ASTN1: variants seen among roughly 807,000 people sequenced by gnomAD.
The protein encoded by ASTN1 is astrotactin-1.
Under a neutral mutation model 140.7 loss-of-function variants are expected in ASTN1, and 41 were observed. The observed-to-expected ratio is 0.29, with a 90% CI of 0.23 to 0.38. The LOEUF is 0.38. Ranked by LOEUF, ASTN1 falls within the 10% of genes least tolerant of loss-of-function variation. The pLI is 1.00. For missense variants in ASTN1, 1,479 were observed against 1,678.8 expected (o/e 0.88, Z 2.08); for synonymous variants, 640 against 652.2 (o/e 0.98, Z 0.29).
rs752299973 is a variant in ASTN1 at position 176,868,922 on chromosome 1, C to A, written c.3569G>T (p.Arg1190Leu). The change falls in exon 22 of 23, where the codon CGG (arginine) becomes CTG (leucine). Residue 1190 changes from arginine to leucine, a missense_variant. Coordinates refer to ENST00000361833, the MANE Select transcript of ASTN1 (RefSeq NM_004319.3). ...LLDLGSPTLH[R>L]VLYHYNQHYE... Reference sequence around the variant, plus strand: ...GTGCTGGTTATAGTGGTAGAGGACCCGGTGTAAGGTGGGGGAACCCAGATC... The same window carrying A: ...GTGCTGGTTATAGTGGTAGAGGACCAGGTGTAAGGTGGGGGAACCCAGATC... 6.2e-7 allele frequency: 1 copy of A among 1,612,116 alleles called. No individual in the cohort carries two copies. Among genetic ancestry groups the A allele is most frequent in the Non-Finnish European group, 8.5e-7 (1 of 1,178,746 alleles).
At chr1:177,025,855 T>C (rs989748234) in intron 5 of ASTN1, among the ~76,000 whole-genome samples, 8 of 152,198 alleles carry the variant, frequency 5.3e-5, no homozygotes, top group African/African-American at 1.9e-4. Context: ...CAGGGTTTGA[T>C]GTGGCTCGCA....
intron 16 of ASTN1, among the ~76,000 whole-genome samples, chr1:176,901,524 G>T (rs1269987806): frequency 6.6e-6 from 1 of 152,196 alleles, no homozygotes; most frequent in East Asian, 1.9e-4. Flanking sequence ...ATGTAGCTCC[G>T]GGAGGAAAAG....
rs556023839 is a variant in ASTN1, at chr1:176,978,083, A to C, written c.1524-12846T>G. ...TTCGAAGGATGCACTGAGTCTAGGC[A>C]TTGAAGGTGCAGAAGGAAGGGAGGT... On this transcript the variant is annotated intron_variant, in intron 8 of 22. Coordinates refer to ENST00000361833, the MANE Select transcript of ASTN1 (RefSeq NM_004319.3). Among the ~76,000 whole-genome samples the C allele has an allele frequency of 7.9e-5, 12 of 152,334 alleles. No individual in the cohort carries two copies. In the East Asian group the frequency reaches 2.3e-3, roughly 29 times the overall value.
chr1:177,137,727 T>C (rs1461921337), intron 1 of ASTN1, among the ~76,000 whole-genome samples: 1 of 152,188 alleles, frequency 6.6e-6, no homozygotes, highest in Non-Finnish European at 1.5e-5. Flanking sequence ...GGGCCAATGA[T>C]AGCTGTCCAG....
intron 21 of ASTN1, among the ~76,000 whole-genome samples, chr1:176,870,264 A>G (rs1668284122): frequency 6.6e-6 from 1 of 152,222 alleles, no homozygotes; most frequent in Non-Finnish European, 1.5e-5. Flanking sequence ...GAAGAAATGA[A>G]GTCCACAGGT....
Position 176,864,249 on chromosome 1 carries a change from C to A in ASTN1, c.*35G>T. ...CCAGATGGATCCCTCCTCTTTCCTA[C>A]TTCATTCTGGCAGCAGCTCCCTGGC... On this transcript the variant is annotated 3_prime_UTR_variant, in exon 23 of 23. Coordinates refer to ENST00000361833, the MANE Select transcript of ASTN1 (RefSeq NM_004319.3). The A allele has an allele frequency of 6.2e-7, 1 of 1,605,190 alleles. No individual in the cohort carries two copies.
intron 5 of ASTN1, among the ~76,000 whole-genome samples, chr1:177,025,774 C>T (rs1187435736): frequency 6.6e-6 from 1 of 152,166 alleles, no homozygotes; most frequent in Non-Finnish European, 1.5e-5. Flanking sequence ...GAAAATAGAT[C>T]TGTAAGAGTT....
intron 8 of ASTN1, among the ~76,000 whole-genome samples, chr1:176,974,627 C>T (rs924151786): frequency 1.8e-4 from 27 of 152,062 alleles, no homozygotes; most frequent in Non-Finnish European, 3.1e-4. Context: ...CCTTGTGATC[C>T]GCCTGCCTTG....
intron 2 of ASTN1, among the ~76,000 whole-genome samples, chr1:177,054,793 CT>C (rs1222544604): frequency 6.6e-6 from 1 of 152,090 alleles, no homozygotes; most frequent in African/African-American, 2.4e-5. Flanking sequence ...CACATAAAAG[CT>C]TTGCAATTGA....
chr1:177,039,388 C>T (rs1339422022), intron 2 of ASTN1, among the ~76,000 whole-genome samples: 1 of 152,214 alleles, frequency 6.6e-6, no homozygotes, highest in Non-Finnish European at 1.5e-5. Context: ...GATACAGCAA[C>T]AATCACTTAT....
intron 1 of ASTN1, among the ~76,000 whole-genome samples, chr1:177,087,840 T>G (rs1261524298): frequency 6.6e-6 from 1 of 152,218 alleles, no homozygotes; most frequent in African/African-American, 2.4e-5. Context: ...CTGCTGCTGT[T>G]AGATGCAGTC....
intron 11 of ASTN1, among the ~76,000 whole-genome samples, chr1:176,957,453 GAA>G (rs1672457518): frequency 6.6e-6 from 1 of 151,800 alleles, no homozygotes; most frequent in Non-Finnish European, 1.5e-5. Flanking sequence ...ATTTTTTCTT[GAA>G]TAGTTATAGT....
intron 2 of ASTN1, among the ~76,000 whole-genome samples, chr1:177,054,225 A>T (rs1677685519): frequency 6.6e-6 from 1 of 152,208 alleles, no homozygotes; most frequent in South Asian, 2.1e-4. Flanking sequence ...CTGCAAAATG[A>T]GTAATAACAA....
At chr1:176,980,802 AG>A (rs1673577515) in intron 8 of ASTN1, among the ~76,000 whole-genome samples, 2 of 152,224 alleles carry the variant, frequency 1.3e-5, no homozygotes, top group Non-Finnish European at 2.9e-5. Flanking sequence ...AAGAATTTGA[AG>A]ATATTGAAAA....
intron 16 of ASTN1, among the ~76,000 whole-genome samples, chr1:176,932,523 G>A (rs929987270): frequency 2.6e-5 from 4 of 152,190 alleles, no homozygotes; most frequent in Admixed American, 1.3e-4. Flanking sequence ...AGGAATTAAC[G>A]TGGTAAATAG....
intron 1 of ASTN1, among the ~76,000 whole-genome samples, chr1:177,143,562 T>C (rs1184581619): frequency 2.6e-5 from 4 of 152,336 alleles, no homozygotes; most frequent in South Asian, 4.1e-4. Context: ...CACATTTATG[T>C]TGACAGAGAT....
At chr1:176,874,261 T>A (rs2103017599) in intron 21 of ASTN1, among the ~76,000 whole-genome samples, 1 of 152,310 alleles carries the variant, frequency 6.6e-6, no homozygotes, top group South Asian at 2.1e-4. Context: ...CAATGCCAGT[T>A]TTCCTCATCA....
intron 8 of ASTN1, among the ~76,000 whole-genome samples, chr1:176,985,168 T>C (rs142918217): frequency 0.012 from 1,875 of 152,330 alleles, 18 homozygotes; most frequent in Middle Eastern, 0.024. Flanking sequence ...CCTCTGTCAC[T>C]TTCATCTGCC....
chr1:177,066,473 G>C (rs527416347), intron 1 of ASTN1, among the ~76,000 whole-genome samples: 1 of 152,272 alleles, frequency 6.6e-6, no homozygotes, highest in African/African-American at 2.4e-5. Flanking sequence ...GTTAGCTTGT[G>C]GATTGTGAGC....
Sources: allele counts gnomAD v4.1 joint callset (sites outside exome capture counted in the v4.1 genomes callset), GRCh38; gene constraint gnomAD v4.1.1; transcripts MANE v1.5; gene names NCBI Gene and HGNC (gene_info 2026-07-23, HGNC 2026-07-21).